DMD: variants seen among roughly 807,000 people sequenced by gnomAD.
DMD encodes mutant dystrophin.
DMD carries 63 observed loss-of-function variants against 330.1 expected under a neutral mutation model. The ratio of observed to expected loss-of-function variants is 0.19; its 90% CI spans 0.16 to 0.24. The LOEUF is 0.24. Among genes scored for constraint, DMD ranks in the 10% least tolerant of loss-of-function variants. The pLI is 1.00. For synonymous variants in DMD, 1,223 were observed against 959.8 expected (o/e 1.27, Z -5.07); for missense variants, 3,344 against 2,684.1 (o/e 1.25, Z -5.43).
At chrX:31,919,895 C>T (rs1422908994) in intron 47 of DMD, among the ~76,000 whole-genome samples, 1 of 112,382 alleles carries the variant, frequency 8.9e-6, no homozygotes, top group Non-Finnish European at 1.9e-5. Flanking sequence ...GCTCATCCTT[C>T]TCAGCTGACA....
intron 1 of DMD, among the ~76,000 whole-genome samples, chrX:33,109,148 ATTG>A (rs1457687650): frequency 2.6e-4 from 29 of 110,241 alleles, no homozygotes; most frequent in African/African-American, 9.2e-4. Context: ...TACTCATGCT[ATTG>A]TTTTGAAAAT....
chrX:31,175,090 G>T (rs1312404592), intron 71 of DMD, among the ~76,000 whole-genome samples: 1 of 111,557 alleles, frequency 9.0e-6, no homozygotes, highest in Non-Finnish European at 1.9e-5. Context: ...AAAATGCTAA[G>T]GTCTGTTTTG....
At chrX:31,764,992 G>A (rs908365765) in intron 51 of DMD, among the ~76,000 whole-genome samples, 8 of 109,337 alleles carry the variant, frequency 7.3e-5, no homozygotes, top group East Asian at 2.8e-4. Flanking sequence ...TTTAGAAACC[G>A]TGGCATTATT....
At chrX:32,880,235 ATT>A (rs199747063) in intron 2 of DMD, among the ~76,000 whole-genome samples, 3 of 84,879 alleles carry the variant, frequency 3.5e-5, no homozygotes, top group African/African-American at 8.7e-5. Context: ...ACTCCTCAGC[ATT>A]TTTTTTTTTT....
At chrX:32,360,800 A>AAATAATAATAATAAT (rs199527400) in intron 37 of DMD, among the ~76,000 whole-genome samples, 4,312 of 95,845 alleles carry the variant, frequency 0.045, 219 homozygotes, top group African/African-American at 0.14. Flanking sequence ...CACACACACA[A>AAATAATAATAATAAT]AATAATAATA....
At chrX:32,838,501 G>C (rs768895334) in intron 4 of DMD, among the ~76,000 whole-genome samples, 6 of 110,620 alleles carry the variant, frequency 5.4e-5, no homozygotes, top group Admixed American at 1.9e-4. Flanking sequence ...GCGGTGTTTG[G>C]TTTTCTGTTC....
chrX:32,614,086 C>A (rs768324818), intron 12 of DMD, among the ~76,000 whole-genome samples: 11 of 110,710 alleles, frequency 9.9e-5, no homozygotes, highest in Non-Finnish European at 2.1e-4. Context: ...CTTAAATATT[C>A]CATCTCCTAA....
intron 11 of DMD, chrX:32,641,333 A>G (rs2146766700): frequency 8.6e-6 from 1 of 116,939 alleles, no homozygotes; most frequent in African/African-American, 3.4e-5. Context: ...TTGAGTCTCC[A>G]GTGCCATTAA....
intron 1 of DMD, among the ~76,000 whole-genome samples, chrX:33,072,221 T>C (rs2094769545): frequency 8.9e-6 from 1 of 111,923 alleles, no homozygotes; most frequent in South Asian, 3.7e-4. Context: ...AGTTTAAGAC[T>C]AGCCTGGTCA....
chrX:33,025,584 G>A (rs191871024), intron 1 of DMD, among the ~76,000 whole-genome samples: 3 of 111,798 alleles, frequency 2.7e-5, no homozygotes, highest in East Asian at 2.8e-4. Flanking sequence ...ACAAGGTCTC[G>A]CTCTGTTCCC....
At chrX:31,408,619 G>A (rs1040809589) in intron 60 of DMD, among the ~76,000 whole-genome samples, 1 of 111,162 alleles carries the variant, frequency 9.0e-6, no homozygotes, top group Non-Finnish European at 1.9e-5. Flanking sequence ...GGCTGGTCTC[G>A]AAGTCCTGAC....
intron 74 of DMD, among the ~76,000 whole-genome samples, chrX:31,161,565 TC>T (rs1219618984): frequency 1.8e-5 from 2 of 111,064 alleles, no homozygotes; most frequent in African/African-American, 6.6e-5. Context: ...ATTTCCCAGT[TC>T]CCAAATTAAA....
chrX:32,078,010 G>T, intron 44 of DMD, among the ~76,000 whole-genome samples: 1 of 110,634 alleles, frequency 9.0e-6, no homozygotes, highest in East Asian at 2.9e-4. Context: ...TCTCCTGGAG[G>T]TCTCTAGCGC....
chrX:32,502,259 A>T (rs1165866664), intron 18 of DMD, among the ~76,000 whole-genome samples: 1 of 111,557 alleles, frequency 9.0e-6, no homozygotes, highest in Non-Finnish European at 1.9e-5. Context: ...AGAATCCAGT[A>T]TGTATATAAG....
At chrX:32,809,919 C>CCAAAAAAAAAAAAAAA (rs2077222247) in intron 6 of DMD, among the ~76,000 whole-genome samples, 2 of 28,660 alleles carry the variant, frequency 7.0e-5, no homozygotes, top group African/African-American at 2.7e-4. Flanking sequence ...TTGTTTCTAC[C>CCAAAAAAAAAAAAAAA]AAAAAAAAAA....
intron 44 of DMD, among the ~76,000 whole-genome samples, chrX:31,986,585 G>T (rs1473584721): frequency 2.7e-5 from 3 of 110,981 alleles, no homozygotes; most frequent in African/African-American, 9.9e-5. Flanking sequence ...GCTAATTTTT[G>T]TATTTTTAGT....
intron 2 of DMD, among the ~76,000 whole-genome samples, chrX:32,975,346 C>CTTTTTT (rs35180404): frequency 1.5e-5 from 1 of 64,773 alleles, no homozygotes; most frequent in East Asian, 5.0e-4. Context: ...TTAAAAAATG[C>CTTTTTT]TTTTTTTTTT....
chrX:33,237,762 G>A (rs1016964612), intron 1 of DMD, among the ~76,000 whole-genome samples: 1 of 111,985 alleles, frequency 8.9e-6, no homozygotes, highest in Non-Finnish European at 1.9e-5. Context: ...CATACAAAAT[G>A]AAAATATGTA....
chrX:31,381,812 C>T (rs1336167129), intron 60 of DMD, among the ~76,000 whole-genome samples: 2 of 111,852 alleles, frequency 1.8e-5, no homozygotes. Flanking sequence ...GAAATCTATC[C>T]TCAAAGAAAT....
Sources: allele counts gnomAD v4.1 joint callset (sites outside exome capture counted in the v4.1 genomes callset), GRCh38; gene constraint gnomAD v4.1.1; transcripts MANE v1.5; gene names NCBI Gene and HGNC (gene_info 2026-07-23, HGNC 2026-07-21).